ORC4: variants seen among roughly 807,000 people sequenced by gnomAD.
ORC4 encodes the protein origin recognition complex subunit 4.
Under a neutral mutation model 63.9 loss-of-function variants are expected in ORC4, and 55 were observed. The ratio of observed to expected loss-of-function variants is 0.86; its 90% CI spans 0.69 to 1.08. ORC4 has a LOEUF of 1.08. Ranked by LOEUF, ORC4 falls within the 50% of genes least tolerant of loss-of-function variation. The pLI is 0.00. For missense variants in ORC4, 511 were observed against 504.4 expected (o/e 1.01, Z -0.13); for synonymous variants, 150 against 168.5 (o/e 0.89, Z 0.85).
At chr2:148,018,141 T>C (rs1693424642) in intron 1 of ORC4, among the ~76,000 whole-genome samples, 1 of 151,822 alleles carries the variant, frequency 6.6e-6, no homozygotes, top group African/African-American at 2.4e-5. Flanking sequence ...AAAAAGACAA[T>C]GCACAAAAGA....
At chr2:147,997,293 T>G (rs13035475) in intron 1 of ORC4, among the ~76,000 whole-genome samples, 50,165 of 152,024 alleles carry the variant, frequency 0.33, 8,544 homozygotes, top group East Asian at 0.52. Flanking sequence ...TTAGGGCAAT[T>G]AAATTATTCT....
chr2:147,956,753 A>C (rs1689273149), intron 6 of ORC4, among the ~76,000 whole-genome samples: 1 of 152,140 alleles, frequency 6.6e-6, no homozygotes, highest in African/African-American at 2.4e-5. Flanking sequence ...TTAAACTAAT[A>C]ATCTCTATAT....
chr2:147,955,376 AG>A lies in ORC4; in HGVS notation c.406del (p.Leu136PhefsTer8). The stretch of plus-strand genomic sequence containing the variant: ...TTTTAAAGCTTCCAGAAGAAATGAA[AG>A]GTTTTCAGCAAAGCTTCCCTGAACA... ...DKVFGSFAEN[L>X]SFLLEALKKG... On this transcript the variant is annotated frameshift_variant, in exon 7 of 14. Transcript: ENST00000392857. LOFTEE classifies it high-confidence loss of function. 5 of 1,605,340 alleles carry A rather than the reference AG, an allele frequency of 3.1e-6. No homozygotes were observed. Among genetic ancestry groups the A allele is most frequent in the Non-Finnish European group, 4.3e-6 (5 of 1,173,240 alleles).
At chr2:147,968,044 A>C (rs1689999769) in intron 4 of ORC4, among the ~76,000 whole-genome samples, 1 of 152,032 alleles carries the variant, frequency 6.6e-6, no homozygotes, top group African/African-American at 2.4e-5. Context: ...CTCACTCATC[A>C]GGGAAAGGGC....
At chr2:147,974,702 T>C (rs896553358) in intron 2 of ORC4, among the ~76,000 whole-genome samples, 2 of 150,638 alleles carry the variant, frequency 1.3e-5, no homozygotes, top group African/African-American at 2.4e-5. Context: ...AGGTAATAGC[T>C]AATATCTGTA....
intron 1 of ORC4, among the ~76,000 whole-genome samples, chr2:147,991,043 T>C (rs1691554964): frequency 7.1e-6 from 1 of 141,524 alleles, no homozygotes; most frequent in South Asian, 2.2e-4. Flanking sequence ...CGTATATACA[T>C]ATATATCTTT....
intron 8 of ORC4, chr2:147,951,712 G>T (rs1255818824): frequency 6.6e-6 from 1 of 152,024 alleles, no homozygotes; most frequent in African/African-American, 2.4e-5. Flanking sequence ...ACACAAAATG[G>T]GCCAAGGCAC....
chr2:147,987,391 T>TATATATATAC (rs1553458407), intron 1 of ORC4, among the ~76,000 whole-genome samples: 2 of 136,622 alleles, frequency 1.5e-5, no homozygotes, highest in Non-Finnish European at 3.2e-5. Flanking sequence ...TGTATATATA[T>TATATATATAC]ACACACACAC....
intron 2 of ORC4, 86 bp downstream of exon 2, chr2:147,975,816 G>C: frequency 1.2e-6 from 1 of 845,914 alleles, no homozygotes; most frequent in Admixed American, 1.7e-5. Context: ...AATGCTAAAG[G>C]GAAAATTCAG....
At chr2:147,957,169 A>G (rs1297106898) in intron 6 of ORC4, among the ~76,000 whole-genome samples, 2 of 147,610 alleles carry the variant, frequency 1.4e-5, no homozygotes, top group East Asian at 3.9e-4. Flanking sequence ...AATTATATAT[A>G]ATCTATTAGA....
At chr2:147,960,426 T>C in intron 4 of ORC4, 1 of 795,636 alleles carries the variant, frequency 1.3e-6, no homozygotes, top group Non-Finnish European at 1.5e-6. Flanking sequence ...CTTGAATATG[T>C]TATCATTTCA....
At chr2:147,955,456 C>G (rs1689196274) in intron 6 of ORC4, 61 bp from the exon 7 acceptor site, 1 of 1,171,998 alleles carries the variant, frequency 8.5e-7, no homozygotes, top group Non-Finnish European at 1.3e-6. Flanking sequence ...CAAAAGATGG[C>G]TGTCTGATTC....
intron 8 of ORC4, among the ~76,000 whole-genome samples, chr2:147,948,522 C>G (rs1255766117): frequency 6.6e-6 from 1 of 151,866 alleles, no homozygotes; most frequent in Admixed American, 6.6e-5. Context: ...CTATATGTCA[C>G]AATAACACCA....
At chr2:148,015,201 A>C (rs139375589) in intron 1 of ORC4, among the ~76,000 whole-genome samples, 1,718 of 152,196 alleles carry the variant, frequency 0.011, 27 homozygotes, top group African/African-American at 0.029. Flanking sequence ...AACAAACAAA[A>C]AAAAATTCTA....
chr2:147,975,763 C>G (rs778886245), intron 2 of ORC4, 139 bp downstream of exon 2: 4 of 682,516 alleles, frequency 5.9e-6, no homozygotes, highest in East Asian at 2.7e-5. Context: ...GTTAAGGTCT[C>G]GTACTGATAT....
chr2:147,997,445 T>C (rs1228121369), intron 1 of ORC4, among the ~76,000 whole-genome samples: 12 of 152,112 alleles, frequency 7.9e-5, no homozygotes, highest in Admixed American at 5.2e-4. Flanking sequence ...AGTAAGAAAA[T>C]TTTTTATATC....
intron 1 of ORC4, among the ~76,000 whole-genome samples, chr2:147,984,338 A>T (rs1691064344): frequency 6.6e-6 from 1 of 152,000 alleles, no homozygotes; most frequent in South Asian, 2.1e-4. Context: ...TATTTTCTAT[A>T]TATAGTAGAT....
chr2:147,935,290 C>T lies in ORC4; in HGVS notation c.*220G>A, dbSNP rs1290344653. ...CCTAAAACAGTCATATTTTATTCTT[C>T]TGAACAGCTACTTACAAAGTAATCT... On this transcript the variant is annotated 3_prime_UTR_variant, in exon 14 of 14. Transcript: ENST00000392857. The T allele has an allele frequency of 1.4e-5, 8 of 558,756 alleles. No homozygotes were observed. The highest frequency in any genetic ancestry group is 1.9e-5 in the Non-Finnish European group (6 of 310,792). The allele number at this position is 558,756 out of a possible 1,614,324, so 34.6% of individuals were successfully genotyped here.
chr2:147,978,796 C>T lies in ORC4; in HGVS notation c.-17-2821G>A, dbSNP rs150686893. Reference sequence around the variant, plus strand: ...GGGATTTATCTTTGGAATGCAAAGACGGTTCAACATATGTAAATCTATAAA... The same window carrying T: ...GGGATTTATCTTTGGAATGCAAAGATGGTTCAACATATGTAAATCTATAAA... On this transcript the variant is annotated intron_variant, in intron 1 of 13. Coordinates refer to ENST00000392857, the MANE Select transcript of ORC4 (RefSeq NM_181741.4). 1.8e-4 allele frequency among the ~76,000 whole-genome samples: 27 copies of T among 152,220 alleles called. No homozygotes were observed. In the East Asian group the frequency reaches 2.9e-3, roughly 16 times the overall value.
Sources: gnomAD v4.1 joint callset for allele counts (sites outside exome capture counted in the v4.1 genomes callset) on GRCh38, gnomAD v4.1.1 for gene constraint, MANE v1.5 for transcripts, NCBI Gene and HGNC (gene_info 2026-07-23, HGNC 2026-07-21) for gene names.